The following PTPRM variants were observed in gnomAD, a reference collection of about 807,000 sequenced individuals.
PTPRM encodes the protein protein tyrosine phosphatase receptor type M.
PTPRM carries 47 observed loss-of-function variants against 186.7 expected under a neutral mutation model. The observed-to-expected ratio is 0.25, with a 90% CI of 0.20 to 0.32. The LOEUF is 0.32. PTPRM is among the 10% of genes least tolerant of loss of function. The pLI is 1.00. For missense variants in PTPRM, 1,494 were observed against 1,865.0 expected (o/e 0.80, Z 3.66); for synonymous variants, 668 against 674.9 (o/e 0.99, Z 0.16).
At chr18:7,640,315 A>G (rs2038415959) in intron 1 of PTPRM, among the ~76,000 whole-genome samples, 1 of 152,226 alleles carries the variant, frequency 6.6e-6, no homozygotes, top group Non-Finnish European at 1.5e-5. Flanking sequence ...ATTATCTGAT[A>G]GTTATATAAT....
Position 8,062,922 on chromosome 18 carries a change from C to T in PTPRM, c.1133-6764C>T, listed in dbSNP as rs1206143725. Among the ~76,000 whole-genome samples the T allele has an allele frequency of 1.0e-2, 1,440 of 144,538 alleles. 22 individuals are homozygous for T. Among genetic ancestry groups the T allele is most frequent in the African/African-American group, 0.037 (1,356 of 36,998 alleles). 94.8% of individuals were successfully genotyped at this position (144,538 alleles called of 152,430 possible). A position where few individuals can be genotyped will look rare whatever the true frequency, so the allele number is the denominator to read the frequency against. On this transcript the variant is annotated intron_variant, in intron 7 of 32. Transcript: ENST00000580170. ...ACTGCTGTCTTTTTGTTTGTCTGTG[C>T]CCTGCCCCCAGAGGTGGAGCCTACA... is the stretch of plus-strand genomic sequence containing the variant.
At chr18:7,973,058 A>G (rs1359349654) in intron 7 of PTPRM, among the ~76,000 whole-genome samples, 1 of 152,152 alleles carries the variant, frequency 6.6e-6, no homozygotes, top group Admixed American at 6.5e-5. Flanking sequence ...TATAACCCAC[A>G]TATAATATAT....
chr18:8,198,315 C>T (rs1427524096), intron 14 of PTPRM, among the ~76,000 whole-genome samples: 1 of 151,986 alleles, frequency 6.6e-6, no homozygotes, highest in Non-Finnish European at 1.5e-5. Flanking sequence ...ACCTGGCTAA[C>T]TTTTGTGTTT....
intron 3 of PTPRM, among the ~76,000 whole-genome samples, chr18:7,902,054 T>C (rs913159123): frequency 2.6e-5 from 4 of 152,242 alleles, no homozygotes; most frequent in Non-Finnish European, 5.9e-5. Context: ...TTTGTATGTA[T>C]GTATGGGTAG....
intron 7 of PTPRM, among the ~76,000 whole-genome samples, chr18:8,006,915 A>G (rs1033959262): frequency 5.3e-5 from 8 of 152,234 alleles, no homozygotes; most frequent in Non-Finnish European, 1.0e-4. Flanking sequence ...CCTCAGTTAG[A>G]TAACAAATAC....
At position 8,188,523 on chromosome 18, in the gene PTPRM, G is replaced by A. The variant is rs559099497; in HGVS notation, c.2300+44744G>A. ...TGAAATACTAGCCCCACACCGTGACGAAACGCACATAGAGCTCAGGCTCAG... is the reference window on the plus strand; with the variant it reads ...TGAAATACTAGCCCCACACCGTGACAAAACGCACATAGAGCTCAGGCTCAG... On this transcript the variant is annotated intron_variant, in intron 14 of 32. Transcript: ENST00000580170. Among the ~76,000 whole-genome samples the A allele has an allele frequency of 2.0e-5, 3 of 152,302 alleles. No individual in the cohort carries two copies. The East Asian group carries it at 5.8e-4, about 29-fold the overall frequency.
chr18:8,185,571 C>G (rs1017789206), intron 14 of PTPRM, among the ~76,000 whole-genome samples: 1 of 152,222 alleles, frequency 6.6e-6, no homozygotes. Flanking sequence ...CCTGGCAGGT[C>G]AGTGGCCTCA....
At chr18:7,616,389 G>A (rs1267044415) in intron 1 of PTPRM, among the ~76,000 whole-genome samples, 2 of 151,974 alleles carry the variant, frequency 1.3e-5, no homozygotes, top group Non-Finnish European at 2.9e-5. Flanking sequence ...GAACTTCTGG[G>A]CCCAAGGTAT....
intron 4 of PTPRM, among the ~76,000 whole-genome samples, chr18:7,914,310 TGGC>T (rs2050430059): frequency 2.0e-5 from 3 of 152,164 alleles, no homozygotes; most frequent in Non-Finnish European, 4.4e-5. Context: ...TTATATGTAG[TGGC>T]TACCTTAGTT....
At chr18:7,835,254 T>C (rs2045987184) in intron 2 of PTPRM, among the ~76,000 whole-genome samples, 1 of 151,626 alleles carries the variant, frequency 6.6e-6, no homozygotes, top group East Asian at 1.9e-4. Flanking sequence ...GCTTTTGCTG[T>C]ATCCCATAGG....
At chr18:8,194,376 G>A (rs527364329) in intron 14 of PTPRM, among the ~76,000 whole-genome samples, 6 of 152,302 alleles carry the variant, frequency 3.9e-5, no homozygotes, top group African/African-American at 9.6e-5. Flanking sequence ...CATGGCCGAG[G>A]TGTTCAAAAC....
chr18:7,948,061 T>C (rs1018493665), intron 5 of PTPRM, among the ~76,000 whole-genome samples: 2 of 151,930 alleles, frequency 1.3e-5, no homozygotes, highest in African/African-American at 4.8e-5. Flanking sequence ...CCTTGAGGTC[T>C]TTGTCCATTG....
intron 13 of PTPRM, among the ~76,000 whole-genome samples, chr18:8,115,631 C>T (rs978160125): frequency 1.3e-5 from 2 of 152,114 alleles, no homozygotes; most frequent in Non-Finnish European, 2.9e-5. Context: ...ACCATGAATA[C>T]AGTGGGAAGT....
At chr18:7,951,815 C>T (rs1321605150) in intron 6 of PTPRM, among the ~76,000 whole-genome samples, 1 of 152,056 alleles carries the variant, frequency 6.6e-6, no homozygotes, top group Non-Finnish European at 1.5e-5. Context: ...TTAAAATATA[C>T]ACTAACATTT....
intron 2 of PTPRM, among the ~76,000 whole-genome samples, chr18:7,836,458 T>A (rs2046055698): frequency 6.6e-6 from 1 of 152,190 alleles, no homozygotes; most frequent in African/African-American, 2.4e-5. Context: ...ATAGTTTTTT[T>A]ATTGGTTCAT....
At chr18:7,955,500 G>T in intron 7 of PTPRM, 86 bp downstream of exon 7, 9 of 1,440,882 alleles carry the variant, frequency 6.2e-6, no homozygotes, top group Non-Finnish European at 8.4e-6. Context: ...TGCCTAGCAC[G>T]CTTCCCCTAG....
intron 1 of PTPRM, among the ~76,000 whole-genome samples, chr18:7,706,717 C>A (rs1194352053): frequency 1.3e-5 from 2 of 150,592 alleles, no homozygotes; most frequent in Admixed American, 1.3e-4. Context: ...ACTATCCCAG[C>A]GGAACACAAT....
chr18:7,861,058 T>C (rs888827503), intron 2 of PTPRM, among the ~76,000 whole-genome samples: 1 of 152,190 alleles, frequency 6.6e-6, no homozygotes, highest in African/African-American at 2.4e-5. Context: ...TCCCTCCCTT[T>C]TTACACTGTA....
At chr18:7,694,652 C>T (rs957535849) in intron 1 of PTPRM, among the ~76,000 whole-genome samples, 5 of 151,864 alleles carry the variant, frequency 3.3e-5, no homozygotes, top group Non-Finnish European at 7.4e-5. Flanking sequence ...GTCTTGAACC[C>T]CTGACCTTAG....
Sources: gnomAD v4.1 joint callset for allele counts (sites outside exome capture counted in the v4.1 genomes callset) on GRCh38, gnomAD v4.1.1 for gene constraint, MANE v1.5 for transcripts, NCBI Gene and HGNC (gene_info 2026-07-23, HGNC 2026-07-21) for gene names.